GOLGA2: variants seen among roughly 807,000 people sequenced by gnomAD.
GOLGA2 encodes golgin A2.
In GOLGA2, 49 loss-of-function variants were observed where a neutral mutation model predicts 148.8. The ratio of observed to expected loss-of-function variants is 0.33; its 90% CI spans 0.26 to 0.42. The LOEUF is 0.42. Ranked by LOEUF, GOLGA2 falls within the 10% of genes least tolerant of loss-of-function variation. GOLGA2 has a pLI of 1.00. For missense variants in GOLGA2, 1,178 were observed against 1,304.6 expected, an observed-to-expected ratio of 0.90 and a Z score of 1.49; for synonymous variants, 501 against 511.8, an observed-to-expected ratio of 0.98 and a Z score of 0.28.
intron 3 of GOLGA2, among the ~76,000 whole-genome samples, chr9:128,270,710 AAAACCTACATTGG>A (rs1830887091): frequency 6.6e-6 from 1 of 152,048 alleles, no homozygotes; most frequent in Admixed American, 6.6e-5. Context: ...AAAAAAAAAC[AAAACCTACATTGG>A]AAACAGTTAC....
At position 128,266,240 on chromosome 9, in the gene GOLGA2, C is replaced by G. The variant is rs371015043; in HGVS notation, c.681+47G>C. 61 of 1,559,892 alleles carry G rather than the reference C, an allele frequency of 3.9e-5. No individual in the cohort carries two copies. In the African/African-American group the frequency reaches 8.2e-4, roughly 21 times the overall value. ...CTGAGGCCTCTACATTTGAATGCCC[C>G]CCAAACCCAGCAGTCATGTTGTGAG... On this transcript the variant is annotated intron_variant, in intron 9 of 26. Coordinates refer to ENST00000611957, the MANE Select transcript of GOLGA2 (RefSeq NM_001366244.2). This position sits in a 1 kb window ranked among gnomAD's most constrained non-coding sequence, Gnocchi z 4.2.
rs1236784491 is a variant in GOLGA2, at chr9:128,258,921, C to T, written c.2173+86G>A. On this transcript the variant is annotated intron_variant, in intron 21 of 26. Coordinates refer to ENST00000611957, the MANE Select transcript of GOLGA2 (RefSeq NM_001366244.2). The surrounding 1 kb of genome is among the most constrained non-coding windows in gnomAD (Gnocchi z 6.6). Reference sequence around the variant, plus strand: ...CATAATGACCAGCTGTTCTAAAGGTCTCTTCCAACTCCTCAATTCTACGCT... The same window carrying T: ...CATAATGACCAGCTGTTCTAAAGGTTTCTTCCAACTCCTCAATTCTACGCT... 4.3e-6 allele frequency: 4 copies of T among 933,950 alleles called. No homozygotes were observed. Among genetic ancestry groups the T allele is most frequent in the African/African-American group, 3.2e-5 (2 of 62,098 alleles). The allele number at this position is 933,950 out of a possible 1,614,324, so 57.9% of individuals were successfully genotyped here.
intron 14 of GOLGA2, chr9:128,262,085 C>G (rs902756595): frequency 4.4e-5 from 13 of 294,276 alleles, no homozygotes; most frequent in Admixed American, 9.7e-5. Flanking sequence ...CCTGTAGTCC[C>G]AACTACTTGA....
In GOLGA2 at chr9:128,257,908, T is replaced by G; in HGVS notation, c.2509-16A>C. On this transcript the variant is annotated splice_polypyrimidine_tract_variant and intron_variant, in intron 23 of 26. Transcript: ENST00000611957. The surrounding 1 kb of genome is among the most constrained non-coding windows in gnomAD (Gnocchi z 8.0). ...TAAAGCGGCTCTGGAACCAAAATAA[T>G]GGAGTCATATATCGGCAGCGACCTG... is the stretch of plus-strand genomic sequence containing the variant. 1 of 1,612,834 alleles carries G rather than the reference T, an allele frequency of 6.2e-7. No individual in the cohort carries two copies. The highest frequency in any genetic ancestry group is 8.5e-7 in the Non-Finnish European group (1 of 1,178,836).
chr9:128,264,152 G>T (rs1830449257), intron 12 of GOLGA2, among the ~76,000 whole-genome samples: 1 of 150,882 alleles, frequency 6.6e-6, no homozygotes, highest in African/African-American at 2.4e-5. Context: ...GCAACAGAGT[G>T]AGACTCCGTC....
In GOLGA2 at chr9:128,260,374, G is replaced by A; in HGVS notation, c.1758+91C>T. 1 of 1,176,428 alleles carries A rather than the reference G, an allele frequency of 8.5e-7. No individual in the cohort carries two copies. The highest frequency in any genetic ancestry group is 1.2e-6 in the Non-Finnish European group (1 of 801,174). The allele number at this position is 1,176,428 out of a possible 1,614,324, so 72.9% of individuals were successfully genotyped here. The stretch of plus-strand genomic sequence containing the variant: ...GATGCCTCCAGAAGTACCATTTCAA[G>A]TGAGGGCTACACTGCCCCACTTTAC... On this transcript the variant is annotated intron_variant, in intron 18 of 26. Transcript: ENST00000611957. The surrounding 1 kb of genome is among the most constrained non-coding windows in gnomAD (Gnocchi z 4.8).
Position 128,256,985 on chromosome 9 carries a change from G to T in GOLGA2, c.*82C>A. The T allele has an allele frequency of 1.9e-6, 2 of 1,055,806 alleles. No individual in the cohort carries two copies. The highest frequency in any genetic ancestry group is 2.9e-6 in the Non-Finnish European group (2 of 697,094). The allele number at this position is 1,055,806 out of a possible 1,614,324, so 65.4% of individuals were successfully genotyped here. A position where few individuals can be genotyped will look rare whatever the true frequency, so the allele number is the denominator to read the frequency against. On this transcript the variant is annotated 3_prime_UTR_variant, in exon 27 of 27. Coordinates refer to ENST00000611957, the MANE Select transcript of GOLGA2 (RefSeq NM_001366244.2). ...CTTGCTACTGTAAGGGTAAAGGGTT[G>T]ACTGAGAAGGGATGGTAGGGATATG...
At chr9:128,275,625 A>C in intron 1 of GOLGA2, 2 of 691,470 alleles carry the variant, frequency 2.9e-6, no homozygotes, top group Non-Finnish European at 4.5e-6. Flanking sequence ...GGGAGGTCGG[A>C]CTTCGGGGGG....
At position 128,260,623 on chromosome 9, in the gene GOLGA2, G is replaced by C; in HGVS notation, c.1600C>G (p.Leu534Val). The change falls in exon 18 of 27, where the codon CTG (leucine) becomes GTG (valine). Residue 534 changes from leucine to valine, a missense_variant. Around this residue, in one of 5 missense-constraint regions of GOLGA2, gnomAD observed 529 missense variants for 521.8 expected, o/e 1.01. Coordinates refer to ENST00000611957, the MANE Select transcript of GOLGA2 (RefSeq NM_001366244.2). The surrounding 1 kb of genome is among the most constrained non-coding windows in gnomAD (Gnocchi z 4.8). ...CCCCAGAGCTCGGCCGCCCGCTCCA[G>C]CTCCAGCAGCCTCTCCTCCTGCTCC... ...NREQEERLLE[L>V]ERAAELWGEQ... The C allele has an allele frequency of 2.5e-6, 4 of 1,611,572 alleles. No individual in the cohort carries two copies. Among genetic ancestry groups the C allele is most frequent in the Non-Finnish European group, 1.7e-6 (2 of 1,179,962 alleles).
rs1830662544 is a variant in GOLGA2 at position 128,267,479 on chromosome 9, A to C, written c.540T>G (p.Ser180=). The change falls in exon 7 of 27, where the codon TCT becomes TCG. Residue 180 remains serine (S), a synonymous_variant. Transcript: ENST00000611957. ...TTACCTCCAGATCCTTCAGGTTAGC[A>C]GACGATGCAGGGCCCTCCCCATTGA... is the stretch of plus-strand genomic sequence containing the variant. ...TCVNGEGPAS[S]ANLKDLESRY... is the part of the protein sequence containing the mutation. The C allele has an allele frequency of 1.9e-6, 3 of 1,613,494 alleles. No homozygotes were observed.
chr9:128,274,047 C>G (rs1417050843), intron 1 of GOLGA2, 75 bp from the exon 2 acceptor site: 2 of 1,441,152 alleles, frequency 1.4e-6, no homozygotes, highest in Non-Finnish European at 9.6e-7. Context: ...ACAATTTTTC[C>G]AAAATACTCT....
At position 128,261,822 on chromosome 9, in the gene GOLGA2, A is replaced by G; in HGVS notation, c.1135-65T>C. ...CAGGCCGTTCCAAATAGTGCCCCTT[A>G]AAAGGGCTAGGGCTAGGCTCAATGT... On this transcript the variant is annotated intron_variant, in intron 14 of 26. Transcript: ENST00000611957. This position sits in a 1 kb window ranked among gnomAD's most constrained non-coding sequence, Gnocchi z 5.7. 1 of 1,006,584 alleles carries G rather than the reference A, an allele frequency of 9.9e-7. No homozygotes were observed. Among genetic ancestry groups the G allele is most frequent in the South Asian group, 1.3e-5 (1 of 78,592 alleles). The allele number at this position is 1,006,584 out of a possible 1,614,324, so 62.4% of individuals were successfully genotyped here. A position where few individuals can be genotyped will look rare whatever the true frequency, so the allele number is the denominator to read the frequency against.
chr9:128,262,781 G>C (rs1379310470), intron 13 of GOLGA2, 77 bp from the exon 14 acceptor site: 1 of 1,366,638 alleles, frequency 7.3e-7, no homozygotes, highest in Non-Finnish European at 1.0e-6. Flanking sequence ...CTCTACCCTT[G>C]CCCCACAACC....
At chr9:128,262,439 G>A in intron 14 of GOLGA2, 124 bp downstream of exon 14, 1 of 761,728 alleles carries the variant, frequency 1.3e-6, no homozygotes. Context: ...TTTTATGCCA[G>A]GACCGGAACA....
rs1213721077 is a variant in GOLGA2 at position 128,259,386 on chromosome 9, C to T, written c.1878G>A (p.Glu626=). Residue 626 remains glutamate (E), a synonymous_variant, in exon 20 of 27, where the codon GAG becomes GAA. Coordinates refer to ENST00000611957, the MANE Select transcript of GOLGA2 (RefSeq NM_001366244.2). ...EKLSELKETV[E]LKSQEAQSLQ... is the part of the protein sequence containing the mutation. The stretch of plus-strand genomic sequence containing the variant: ...GACTTTGAGCCTCTTGGCTCTTCAG[C>T]TCCACCTGTAGGAAGACCCTGGGCG... The T allele has an allele frequency of 3.2e-6, 5 of 1,577,228 alleles. No homozygotes were observed. Among genetic ancestry groups the T allele is most frequent in the Non-Finnish European group, 4.3e-6 (5 of 1,160,310 alleles).
intron 1 of GOLGA2, chr9:128,275,316 G>T: frequency 1.1e-6 from 1 of 947,584 alleles, no homozygotes; most frequent in South Asian, 2.7e-5. Context: ...CTGGTCTCGC[G>T]CAACTAATTA....
intron 7 of GOLGA2, 50 bp from the exon 8 acceptor site, chr9:128,267,324 TAG>T (rs1199652920): frequency 7.2e-7 from 1 of 1,396,560 alleles, no homozygotes; most frequent in Non-Finnish European, 1.0e-6. Flanking sequence ...GGGGGAGAGG[TAG>T]AGAGAGCAAT....
chr9:128,268,087 G>C (rs780964011), intron 5 of GOLGA2, 30 bp downstream of exon 5: 53 of 1,608,882 alleles, frequency 3.3e-5, no homozygotes, highest in Admixed American at 6.7e-5. Flanking sequence ...TCTCAGCCTA[G>C]AGACTGCTGC....
intron 2 of GOLGA2, chr9:128,273,639 G>A: frequency 1.7e-6 from 1 of 578,306 alleles, no homozygotes; most frequent in Non-Finnish European, 3.0e-6. Context: ...AACTTCACAA[G>A]TGTAAGTAAA....
Sources: gnomAD v4.1 joint callset for allele counts (sites outside exome capture counted in the v4.1 genomes callset) on GRCh38, gnomAD v4.1.1 for gene constraint, gnomAD v4.1.1 regional missense constraint, Gnocchi (gnomAD v3.1) non-coding constraint, MANE v1.5 for transcripts, NCBI Gene and HGNC (gene_info 2026-07-23, HGNC 2026-07-21) for gene names.